BAIAP2L1: variants seen among roughly 807,000 people sequenced by gnomAD.
The protein encoded by BAIAP2L1 is BAR/IMD domain-containing adapter protein 2-like 1.
In BAIAP2L1, 35 loss-of-function variants were observed where a neutral mutation model predicts 66.3. The ratio of observed to expected loss-of-function variants is 0.53; its 90% CI spans 0.40 to 0.70. The LOEUF is 0.70. BAIAP2L1 is among the 30% of genes least tolerant of loss of function. BAIAP2L1 has a pLI of 0.00. For missense variants in BAIAP2L1, 622 were observed against 656.9 expected, an observed-to-expected ratio of 0.95 and a Z score of 0.58; for synonymous variants, 269 against 248.7, an observed-to-expected ratio of 1.08 and a Z score of -0.77.
chr7:98,359,125 C>T (rs1038871324), intron 2 of BAIAP2L1, among the ~76,000 whole-genome samples: 25 of 152,272 alleles, frequency 1.6e-4, no homozygotes, highest in Admixed American at 1.4e-3. Context: ...GGAGTGAGCC[C>T]GGAGGGTCTG....
At chr7:98,295,071 G>GGGGGTCTTCCTGGGACCC (rs1800129480) in intron 12 of BAIAP2L1, among the ~76,000 whole-genome samples, 1 of 152,206 alleles carries the variant, frequency 6.6e-6, no homozygotes, top group Admixed American at 6.5e-5. Flanking sequence ...CCCAGGAAGC[G>GGGGGTCTTCCTGGGACCC]TCCCAGCACC....
intron 3 of BAIAP2L1, among the ~76,000 whole-genome samples, chr7:98,327,714 T>TC (rs1801406796): frequency 6.6e-6 from 1 of 152,176 alleles, no homozygotes; most frequent in Non-Finnish European, 1.5e-5. Flanking sequence ...TCCTGACTAT[T>TC]CATCCTTGTT....
chr7:98,334,748 A>G (rs1256930309), intron 3 of BAIAP2L1, among the ~76,000 whole-genome samples: 10 of 151,470 alleles, frequency 6.6e-5, no homozygotes, highest in African/African-American at 1.9e-4. Context: ...GTTTCACCAT[A>G]TTGGTCAGGC....
chr7:98,393,967 C>T (rs1428645392), intron 1 of BAIAP2L1, among the ~76,000 whole-genome samples: 73 of 146,632 alleles, frequency 5.0e-4, no homozygotes, highest in Non-Finnish European at 1.0e-4. Flanking sequence ...AGGCCAGGCG[C>T]GGTGGCTCAC....
At chr7:98,314,578 A>C (rs1297359692) in intron 7 of BAIAP2L1, among the ~76,000 whole-genome samples, 1 of 152,196 alleles carries the variant, frequency 6.6e-6, no homozygotes, top group Admixed American at 6.5e-5. Flanking sequence ...CGAACCTCAC[A>C]GCTGTGTGTG....
intron 3 of BAIAP2L1, among the ~76,000 whole-genome samples, chr7:98,342,041 ATTTTTTTTTTTTT>A (rs142061599): frequency 1.1e-5 from 1 of 95,070 alleles, no homozygotes; most frequent in Non-Finnish European, 2.0e-5. Context: ...TTTTTTTCTG[ATTTTTTTTTTTTT>A]TTTTTTTTTT....
At chr7:98,387,554 T>C (rs150699718) in intron 1 of BAIAP2L1, among the ~76,000 whole-genome samples, 3 of 152,240 alleles carry the variant, frequency 2.0e-5, no homozygotes, top group East Asian at 3.9e-4. Context: ...GCCACCACGA[T>C]AAGGGATTAA....
At chr7:98,294,879 TGCCACCCAGG>T (rs781571842) in intron 12 of BAIAP2L1, among the ~76,000 whole-genome samples, 1 of 152,206 alleles carries the variant, frequency 6.6e-6, no homozygotes, top group Non-Finnish European at 1.5e-5. Context: ...TTCCAGCACC[TGCCACCCAGG>T]GCGAGCCAGG....
At position 98,320,073 on chromosome 7, in the gene BAIAP2L1, G is replaced by GT. The variant is rs1562972131; in HGVS notation, c.332dup (p.Asp111GlufsTer19). ...ATGCACTTACGTTCATATATTTCAC[G>GT]TCAAGTTCTATCTTCTTCTCCAGCT... On this transcript the variant is annotated frameshift_variant, in exon 5 of 14. Transcript: ENST00000005260. LOFTEE classifies it high-confidence loss of function. 2 of 1,613,290 alleles carry GT rather than the reference G, an allele frequency of 1.2e-6. No homozygotes were observed. Among genetic ancestry groups the GT allele is most frequent in the Non-Finnish European group, 1.7e-6 (2 of 1,179,632 alleles).
In BAIAP2L1 at chr7:98,292,544, T is replaced by G. The variant is rs1347048481; in HGVS notation, c.*977A>C. On this transcript the variant is annotated 3_prime_UTR_variant, in exon 14 of 14. Transcript: ENST00000005260. ...CCAAAGATGATTTCCAGCCCCGGGC[T>G]CAGGGCAGCCAGTGCGTAGTCCTCA... 8 of 1,217,808 alleles carry G rather than the reference T, an allele frequency of 6.6e-6. No homozygotes were observed. The highest frequency in any genetic ancestry group is 4.7e-6 in the Non-Finnish European group (4 of 847,878). The allele number at this position is 1,217,808 out of a possible 1,614,324, so 75.4% of individuals were successfully genotyped here.
intron 1 of BAIAP2L1, among the ~76,000 whole-genome samples, chr7:98,394,180 T>G (rs1283563039): frequency 6.6e-6 from 1 of 151,942 alleles, no homozygotes; most frequent in East Asian, 1.9e-4. Flanking sequence ...GAGGCGGAGC[T>G]TGCAGTGAGC....
chr7:98,341,644 C>T (rs79246647), intron 3 of BAIAP2L1, among the ~76,000 whole-genome samples: 465 of 152,270 alleles, frequency 3.1e-3, no homozygotes, highest in African/African-American at 0.011. Flanking sequence ...ACCAGATACG[C>T]GACCTCAGCA....
At chr7:98,331,235 G>A (rs767122816) in intron 3 of BAIAP2L1, among the ~76,000 whole-genome samples, 1 of 152,054 alleles carries the variant, frequency 6.6e-6, no homozygotes, top group Non-Finnish European at 1.5e-5. Context: ...TCCAAGAACT[G>A]CGGGAAAATT....
chr7:98,311,840 A>G (rs1433784668), intron 8 of BAIAP2L1, among the ~76,000 whole-genome samples: 4 of 152,122 alleles, frequency 2.6e-5, no homozygotes, highest in African/African-American at 9.7e-5. Flanking sequence ...CGGGAGGTGG[A>G]GGTTGCAGTG....
intron 1 of BAIAP2L1, among the ~76,000 whole-genome samples, chr7:98,372,590 T>C (rs1802535465): frequency 6.6e-6 from 1 of 152,168 alleles, no homozygotes. Context: ...TGAAATTTTA[T>C]ATATTATTTT....
rs1014584793 is a variant in BAIAP2L1, at chr7:98,293,354, T to C, written c.*167A>G. ...CATTTATCTTAAAGGCAGAAACTTG[T>C]CAACCCAACTACGTGAAACAGAGAA... On this transcript the variant is annotated 3_prime_UTR_variant, in exon 14 of 14. Coordinates refer to ENST00000005260, the MANE Select transcript of BAIAP2L1 (RefSeq NM_018842.5). 50 of 618,454 alleles carry C rather than the reference T, an allele frequency of 8.1e-5. No homozygotes were observed. The African/African-American group carries it at 8.7e-4, about 11-fold the overall frequency. The allele number at this position is 618,454 out of a possible 1,614,324, so 38.3% of individuals were successfully genotyped here.
At chr7:98,372,692 T>C (rs1704929806) in intron 1 of BAIAP2L1, among the ~76,000 whole-genome samples, 1 of 151,260 alleles carries the variant, frequency 6.6e-6, no homozygotes, top group Non-Finnish European at 1.5e-5. Context: ...CAAAAATAGC[T>C]GTAATGAGGG....
chr7:98,386,740 G>T (rs968018236), intron 1 of BAIAP2L1, among the ~76,000 whole-genome samples: 1 of 112,392 alleles, frequency 8.9e-6, no homozygotes, highest in Non-Finnish European at 1.6e-5. Context: ...TCGCTCTGTC[G>T]CCAGGCTGGA....
chr7:98,395,094 G>A (rs891443909), intron 1 of BAIAP2L1, among the ~76,000 whole-genome samples: 1 of 152,060 alleles, frequency 6.6e-6, no homozygotes, highest in Non-Finnish European at 1.5e-5. Flanking sequence ...CTGGGTGACA[G>A]AGCAAGACTC....
Sources: allele counts gnomAD v4.1 joint callset (sites outside exome capture counted in the v4.1 genomes callset), GRCh38; gene constraint gnomAD v4.1.1; transcripts MANE v1.5; gene names NCBI Gene and HGNC (gene_info 2026-07-23, HGNC 2026-07-21).